The following BLTP1 variants were observed in gnomAD, a reference collection of about 807,000 sequenced individuals.
The protein encoded by BLTP1 is bridge-like lipid transfer protein family member 1, also known as fragile site-associated protein.
At chr4:122,152,412 ACCTGGG>A in the BLTP1 span, 2 of 985,620 alleles carry the variant, frequency 2.0e-6, no homozygotes, top group Non-Finnish European at 2.4e-6. Flanking sequence ...CAGGGTCTGG[ACCTGGG>A]CGGCGGCCCC....
chr4:122,205,663 A>G, the BLTP1 span, among the ~76,000 whole-genome samples: 2 of 103,518 alleles, frequency 1.9e-5, no homozygotes, highest in Non-Finnish European at 3.9e-5. Context: ...CTCTCTCTCT[A>G]GTGTCAAAGT....
the BLTP1 span, chr4:122,281,610 C>T: frequency 6.2e-7 from 1 of 1,613,284 alleles, no homozygotes; most frequent in Non-Finnish European, 8.5e-7. Flanking sequence ...AATCAAACTC[C>T]TGTTGAAACA....
the BLTP1 span, chr4:122,162,665 A>G: frequency 1.0e-6 from 1 of 985,176 alleles, no homozygotes; most frequent in African/African-American, 1.7e-5. Flanking sequence ...TTATTAACAC[A>G]AATTAAATGT....
chr4:122,293,061 G>A, the BLTP1 span: 1 of 940,540 alleles, frequency 1.1e-6, no homozygotes, highest in Non-Finnish European at 1.3e-6. Flanking sequence ...AGAAAAATAT[G>A]AGGCTAGCTA....
the BLTP1 span, chr4:122,347,074 A>G: frequency 5.0e-5 from 47 of 944,720 alleles, no homozygotes; most frequent in African/African-American, 7.8e-4. Context: ...AATTTATTCT[A>G]TAATGATTAC....
chr4:122,355,001 C>A, the BLTP1 span, among the ~76,000 whole-genome samples: 1 of 151,782 alleles, frequency 6.6e-6, no homozygotes, highest in Non-Finnish European at 1.5e-5. Flanking sequence ...AAGATTAGGC[C>A]CCATGAGAAC....
the BLTP1 span, chr4:122,262,709 A>G: frequency 4.0e-6 from 6 of 1,513,712 alleles, no homozygotes; most frequent in Admixed American, 2.2e-5. Flanking sequence ...GGTTGTAGTT[A>G]TCAGCTGTCA....
the BLTP1 span, chr4:122,262,566 G>T: frequency 5.2e-6 from 1 of 190,940 alleles, no homozygotes; most frequent in Non-Finnish European, 9.6e-6. Flanking sequence ...TTGTACTATA[G>T]AGTTGCAAAA....
the BLTP1 span, among the ~76,000 whole-genome samples, chr4:122,192,597 C>T: frequency 7.0e-4 from 107 of 152,034 alleles, 1 homozygote; most frequent in East Asian, 0.019. Flanking sequence ...GTATCTAATT[C>T]TGATTGATTA....
At chr4:122,152,509 CTGCCGCCGCCCA>C in the BLTP1 span, 3 of 985,888 alleles carry the variant, frequency 3.0e-6, no homozygotes, top group Non-Finnish European at 3.6e-6. Flanking sequence ...GTCGCCGCCC[CTGCCGCCGCCCA>C]AGGCCCTCGG....
At chr4:122,235,357 A>T in the BLTP1 span, 1 of 984,636 alleles carries the variant, frequency 1.0e-6, no homozygotes, top group Non-Finnish European at 1.2e-6. Context: ...CTGTGCTTCA[A>T]GGTAACAATT....
chr4:122,227,143 TG>T, the BLTP1 span: 5 of 932,048 alleles, frequency 5.4e-6, no homozygotes, highest in Middle Eastern at 5.4e-4. Flanking sequence ...TATATATTTA[TG>T]TAGAAGATTT....
the BLTP1 span, chr4:122,196,706 G>A: frequency 6.2e-7 from 1 of 1,611,506 alleles, no homozygotes; most frequent in South Asian, 1.1e-5. Context: ...GCACAGCCTG[G>A]GAGACCAAGA....
At chr4:122,304,026 G>A in the BLTP1 span, among the ~76,000 whole-genome samples, 1 of 152,116 alleles carries the variant, frequency 6.6e-6, no homozygotes, top group African/African-American at 2.4e-5. Context: ...TTTCATGAAA[G>A]GAAGAGTCAA....
At chr4:122,229,904 T>C in the BLTP1 span, 20 of 1,589,466 alleles carry the variant, frequency 1.3e-5, no homozygotes, top group African/African-American at 2.4e-4. Flanking sequence ...ATTACACTTT[T>C]GTTTCATTTT....
the BLTP1 span, chr4:122,200,031 TAAAA>T: frequency 4.1e-6 from 4 of 974,962 alleles, no homozygotes; most frequent in African/African-American, 7.0e-5. Flanking sequence ...AGCTGCTATG[TAAAA>T]TGGTTAATAT....
chr4:122,281,667 T>C, the BLTP1 span: 2 of 1,613,284 alleles, frequency 1.2e-6, no homozygotes, highest in Non-Finnish European at 1.7e-6. Context: ...AAGCCTATTG[T>C]TCTTAAATTC....
At chr4:122,331,265 T>G in the BLTP1 span, 3 of 1,515,484 alleles carry the variant, frequency 2.0e-6, no homozygotes, top group South Asian at 3.9e-5. Context: ...TGTTGGAAAA[T>G]AGTTTGTTAA....
At chr4:122,270,472 T>G in the BLTP1 span, 1 of 437,618 alleles carries the variant, frequency 2.3e-6, no homozygotes, top group Non-Finnish European at 3.0e-6. Context: ...AATCTTTAGA[T>G]AAGCAGGAGG....
Sources: gnomAD v4.1 joint callset for allele counts (sites outside exome capture counted in the v4.1 genomes callset) on GRCh38, gnomAD v4.1.1 for gene constraint, MANE v1.5 for transcripts, NCBI Gene and HGNC (gene_info 2026-07-23, HGNC 2026-07-21) for gene names.